Variants in ADGRF5 observed in about 807,000 individuals in gnomAD.
The protein encoded by ADGRF5 is G-protein coupled receptor 116.
Under a neutral mutation model 132.3 loss-of-function variants are expected in ADGRF5, and 75 were observed. The observed-to-expected ratio is 0.57, with a 90% CI of 0.47 to 0.69. The LOEUF (loss-of-function observed/expected upper bound fraction) is 0.69. Ranked by LOEUF, ADGRF5 falls within the 30% of genes least tolerant of loss-of-function variation. The pLI is 0.00. For synonymous variants in ADGRF5, 629 were observed against 597.6 expected, an observed-to-expected ratio of 1.05 and a Z score of -0.77; for missense variants, 1,516 against 1,630.6, an observed-to-expected ratio of 0.93 and a Z score of 1.21.
upstream of ADGRF5, among the ~76,000 whole-genome samples, chr6:46,925,280 T>C (rs767269251): frequency 6.6e-6 from 1 of 152,006 alleles, no homozygotes; most frequent in Non-Finnish European, 1.5e-5. Context: ...ACTCACTCCA[T>C]CACCTCATTC....
At chr6:46,868,557 G>C (rs1770709564) in intron 12 of ADGRF5, among the ~76,000 whole-genome samples, 1 of 152,070 alleles carries the variant, frequency 6.6e-6, no homozygotes, top group African/African-American at 2.4e-5. Context: ...AGCACAGTTG[G>C]GTCAAACACT....
chr6:46,869,068 G>C lies in ADGRF5; in HGVS notation c.1436C>G (p.Pro479Arg). 1 of 1,613,878 alleles carries C rather than the reference G, an allele frequency of 6.2e-7. No individual in the cohort carries two copies. Among genetic ancestry groups the C allele is most frequent in the Non-Finnish European group, 8.5e-7 (1 of 1,179,888 alleles). The change falls in exon 12 of 21, where the codon CCA (proline) becomes CGA (arginine). Residue 479 changes from proline (P) to arginine (R), a missense_variant. Physicochemically the swap from Pro to Arg is moderately radical, Grantham distance 103 (BLOSUM62 -2). Transcript: ENST00000283296. ...GTTTTGTCCCTCAGAAACAGAAATT[G>C]GGTCCGGGGTTATTGTTAGATTGGC... is the stretch of plus-strand genomic sequence containing the variant. ...SVANLTITPD[P>R]ISVSEGQNFS...
At chr6:46,949,664 A>T (rs1778424831) in intron 1 of ADGRF5, among the ~76,000 whole-genome samples, 1 of 152,166 alleles carries the variant, frequency 6.6e-6, no homozygotes, top group South Asian at 2.1e-4. Flanking sequence ...ATGGCTAGGA[A>T]CCCATATCCA....
At chr6:46,880,068 T>A in intron 8 of ADGRF5, 29 bp from the exon 9 acceptor site, 1 of 1,505,396 alleles carries the variant, frequency 6.6e-7, no homozygotes, top group South Asian at 1.1e-5. Flanking sequence ...GTTAATAAGA[T>A]CCCAAAGCAA....
At chr6:46,938,412 A>T (rs769961456) in intron 1 of ADGRF5, among the ~76,000 whole-genome samples, 1 of 152,214 alleles carries the variant, frequency 6.6e-6, no homozygotes, top group African/African-American at 2.4e-5. Flanking sequence ...TCTTTCAGTC[A>T]TCTTGGAAGC....
At chr6:46,863,197 T>A (rs1170164625) in intron 14 of ADGRF5, 101 bp from the exon 15 acceptor site, 15 of 898,298 alleles carry the variant, frequency 1.7e-5, no homozygotes, top group Non-Finnish European at 2.4e-5. Context: ...TGAATTCACA[T>A]TTACCTTTAC....
At chr6:46,857,844 C>CTT (rs1397993315) in intron 17 of ADGRF5, among the ~76,000 whole-genome samples, 5 of 152,286 alleles carry the variant, frequency 3.3e-5, no homozygotes, top group African/African-American at 1.2e-4. Flanking sequence ...TCAAGATAAT[C>CTT]TTAGACAAAT....
intron 1 of ADGRF5, among the ~76,000 whole-genome samples, chr6:46,915,004 T>C (rs1318363876): frequency 6.6e-6 from 1 of 151,840 alleles, no homozygotes; most frequent in Non-Finnish European, 1.5e-5. Context: ...TACAGGAACA[T>C]GCCACCATGC....
At chr6:46,927,955 G>A (rs1777339650) in intron 1 of ADGRF5, among the ~76,000 whole-genome samples, 1 of 152,196 alleles carries the variant, frequency 6.6e-6, no homozygotes, top group African/African-American at 2.4e-5. Context: ...CCAAATAGCT[G>A]TATTGCCCTC....
intron 1 of ADGRF5, among the ~76,000 whole-genome samples, chr6:46,934,974 G>A (rs1196133606): frequency 6.7e-6 from 1 of 149,796 alleles, no homozygotes; most frequent in African/African-American, 2.5e-5. Flanking sequence ...TGTTGTTTGG[G>A]ATCACCACCA....
rs1312853440 is a variant in ADGRF5, at chr6:46,854,002, A to C, written c.4031T>G (p.Leu1344Trp). 1 of 1,603,638 alleles carries C rather than the reference A, an allele frequency of 6.2e-7. No homozygotes were observed. Among genetic ancestry groups the C allele is most frequent in the African/African-American group, 1.3e-5 (1 of 74,274 alleles). Residue 1344 changes from leucine to tryptophan, a missense_variant, in exon 21 of 21, where the codon TTG becomes TGG. Around this residue, in one of 2 missense-constraint regions of ADGRF5, gnomAD observed 571 missense variants for 701.2 expected, o/e 0.81. Transcript: ENST00000283296. ...TGGATTATCCTGTTCTTAGTTGAGC[A>C]ACGAAGAAGCACTGGATGAGTTTTC... ...SLENSSSASS[L>W]LN
intron 11 of ADGRF5, chr6:46,870,650 A>C: frequency 4.8e-6 from 1 of 207,542 alleles, no homozygotes; most frequent in South Asian, 5.9e-5. Flanking sequence ...TTTGAGTAAA[A>C]AGAAAAAGGC....
intron 6 of ADGRF5, 141 bp from the exon 7 acceptor site, chr6:46,882,248 T>C: frequency 7.0e-6 from 5 of 719,358 alleles, no homozygotes; most frequent in Non-Finnish European, 1.0e-5. Context: ...ACTGTGGGCA[T>C]TAGATTTCTG....
intron 1 of ADGRF5, among the ~76,000 whole-genome samples, chr6:46,911,626 G>A (rs913232859): frequency 2.0e-5 from 3 of 152,026 alleles, no homozygotes; most frequent in African/African-American, 7.2e-5. Flanking sequence ...TACTTCCCCT[G>A]AACACCTACA....
At position 46,884,291 on chromosome 6, in the gene ADGRF5, C is replaced by T; in HGVS notation, c.329-20G>A. On this transcript the variant is annotated intron_variant, in intron 4 of 20. Coordinates refer to ENST00000283296, the MANE Select transcript of ADGRF5 (RefSeq NM_001098518.2). ...TGCAGACTATCGTTAATCAGAACAG[C>T]AAGGAGAGAGAAGGTGGAGAAGGTG... The T allele has an allele frequency of 7.5e-6, 12 of 1,594,084 alleles. No homozygotes were observed. Among genetic ancestry groups the T allele is most frequent in the Non-Finnish European group, 1.0e-5 (12 of 1,164,322 alleles).
chr6:46,900,724 GT>G (rs1009238129), intron 2 of ADGRF5, among the ~76,000 whole-genome samples: 3 of 152,058 alleles, frequency 2.0e-5, no homozygotes. Context: ...GAGCTTCAGG[GT>G]TTTTTTCCTG....
At chr6:46,931,885 G>A (rs925243350) in intron 1 of ADGRF5, among the ~76,000 whole-genome samples, 3 of 151,996 alleles carry the variant, frequency 2.0e-5, no homozygotes, top group Admixed American at 6.6e-5. Flanking sequence ...TTGCCATTGC[G>A]CTCCAGCCTG....
chr6:46,870,620 C>T (rs1338432819), intron 11 of ADGRF5, among the ~76,000 whole-genome samples: 1 of 152,192 alleles, frequency 6.6e-6, no homozygotes, highest in Admixed American at 6.5e-5. Context: ...TGAGATGGCT[C>T]TCTAAGGCTT....
At chr6:46,901,932 T>C (rs975739698) in intron 2 of ADGRF5, among the ~76,000 whole-genome samples, 1 of 152,218 alleles carries the variant, frequency 6.6e-6, no homozygotes, top group Non-Finnish European at 1.5e-5. Flanking sequence ...TTCCCCTCGC[T>C]GATGCCCTTA....
Sources: allele counts gnomAD v4.1 joint callset (sites outside exome capture counted in the v4.1 genomes callset), GRCh38; gene constraint gnomAD v4.1.1; regional missense constraint gnomAD v4.1.1; transcripts MANE v1.5; gene names NCBI Gene and HGNC (gene_info 2026-07-23, HGNC 2026-07-21).